ITGA1: variants seen among roughly 807,000 people sequenced by gnomAD.
ITGA1 encodes integrin alpha-1.
In ITGA1, 85 loss-of-function variants were observed where a neutral mutation model predicts 145.9. The ratio of observed to expected loss-of-function variants is 0.58; its 90% CI spans 0.49 to 0.70. The LOEUF (loss-of-function observed/expected upper bound fraction) is 0.70. Ranked by LOEUF, ITGA1 falls within the 30% of genes least tolerant of loss-of-function variation. The pLI, the probability that ITGA1 is intolerant of heterozygous loss-of-function variation, is 0.00. For missense variants in ITGA1, 1,351 were observed against 1,418.7 expected, an observed-to-expected ratio of 0.95 and a Z score of 0.77; for synonymous variants, 520 against 495.3, an observed-to-expected ratio of 1.05 and a Z score of -0.66.
intron 8 of ITGA1, among the ~76,000 whole-genome samples, chr5:52,893,243 A>G (rs749979362): frequency 3.3e-5 from 5 of 152,184 alleles, no homozygotes; most frequent in Non-Finnish European, 7.3e-5. Flanking sequence ...CCTTGGTAAT[A>G]GTTTCAGGAA....
intron 18 of ITGA1, 79 bp downstream of exon 18, chr5:52,922,966 A>G (rs905906587): frequency 7.6e-6 from 6 of 793,576 alleles, no homozygotes; most frequent in Middle Eastern, 2.4e-4. Flanking sequence ...TTTTTTCACT[A>G]CTCTGCATTG....
intron 6 of ITGA1, among the ~76,000 whole-genome samples, chr5:52,870,210 TTTTA>T (rs1283816051): frequency 2.6e-5 from 4 of 152,336 alleles, no homozygotes; most frequent in South Asian, 2.1e-4. Flanking sequence ...TTGTTTTTAG[TTTTA>T]TTTGTTTCTT....
chr5:52,801,193 A>G (rs1326279707), intron 1 of ITGA1: 2 of 1,404,526 alleles, frequency 1.4e-6, no homozygotes, highest in Non-Finnish European at 1.9e-6. Context: ...AAAGTTTTAG[A>G]ACTGGGAAAA....
intron 1 of ITGA1, among the ~76,000 whole-genome samples, chr5:52,792,592 C>A (rs1313207139): frequency 6.6e-6 from 1 of 152,178 alleles, no homozygotes; most frequent in African/African-American, 2.4e-5. Flanking sequence ...AGATGCTCCT[C>A]TAACATGTTC....
chr5:52,853,361 C>T (rs1235284752), intron 2 of ITGA1, among the ~76,000 whole-genome samples: 3 of 152,082 alleles, frequency 2.0e-5, no homozygotes, highest in Non-Finnish European at 2.9e-5. Context: ...AGACTTACTT[C>T]GAGAAATGTG....
At chr5:52,789,528 A>T (rs1257845437) in intron 1 of ITGA1, among the ~76,000 whole-genome samples, 1 of 152,140 alleles carries the variant, frequency 6.6e-6, no homozygotes, top group African/African-American at 2.4e-5. Flanking sequence ...CTTTTTTCAG[A>T]AGGGAGGTAA....
intron 1 of ITGA1, among the ~76,000 whole-genome samples, chr5:52,825,444 T>C (rs910189428): frequency 2.0e-5 from 3 of 152,212 alleles, no homozygotes; most frequent in Non-Finnish European, 4.4e-5. Context: ...AATTTCAAAA[T>C]TTTTCCTTAT....
Position 52,947,557 on chromosome 5 carries a change from A to C in ITGA1, c.3495+96A>C, listed in dbSNP as rs116289078. ...TATTCAGACTATGTAATATAGTATT[A>C]TTACAGCAATGAAACAAACGTTGAA... On this transcript the variant is annotated intron_variant, in intron 28 of 28. Transcript: ENST00000282588. 6,996 of 716,200 alleles carry C rather than the reference A, an allele frequency of 9.8e-3. 264 individuals are homozygous for C. Among genetic ancestry groups the C allele is most frequent in the African/African-American group, 0.086 (4,780 of 55,382 alleles). 44.4% of individuals were successfully genotyped at this position (716,200 alleles called of 1,614,324 possible). A position where few individuals can be genotyped will look rare whatever the true frequency, so the allele number is the denominator to read the frequency against.
intron 23 of ITGA1, among the ~76,000 whole-genome samples, chr5:52,934,940 T>C (rs16880533): frequency 0.27 from 40,851 of 151,592 alleles, 6,193 homozygotes; most frequent in African/African-American, 0.4. Context: ...TGCCAATCAC[T>C]CTACTGGATT....
intron 26 of ITGA1, among the ~76,000 whole-genome samples, chr5:52,940,854 G>A (rs1317415009): frequency 6.6e-6 from 1 of 151,938 alleles, no homozygotes; most frequent in Non-Finnish European, 1.5e-5. Context: ...TTGTTACATG[G>A]GTATATTTGC....
At chr5:52,928,276 A>G (rs2111884050) in intron 20 of ITGA1, among the ~76,000 whole-genome samples, 1 of 152,306 alleles carries the variant, frequency 6.6e-6, no homozygotes, top group South Asian at 2.1e-4. Flanking sequence ...ATCTGATAAA[A>G]TGGAGCTGGG....
At chr5:52,886,293 A>G (rs575690476) in intron 7 of ITGA1, among the ~76,000 whole-genome samples, 1 of 152,332 alleles carries the variant, frequency 6.6e-6, no homozygotes, top group East Asian at 1.9e-4. Context: ...ACATCTTGTC[A>G]TATTTGCTTT....
chr5:52,925,221 TA>T (rs1284028715), intron 18 of ITGA1, 56 bp from the exon 19 acceptor site: 2 of 1,313,408 alleles, frequency 1.5e-6, no homozygotes, highest in Non-Finnish European at 2.2e-6. Context: ...AATTGATGGG[TA>T]ATTTTCAACA....
chr5:52,869,523 T>C (rs577622290), intron 6 of ITGA1, among the ~76,000 whole-genome samples: 1 of 152,240 alleles, frequency 6.6e-6, no homozygotes, highest in African/African-American at 2.4e-5. Context: ...ATTATTATAT[T>C]AGTGTGCGTG....
At chr5:52,850,292 AC>A (rs1749409916) in intron 2 of ITGA1, among the ~76,000 whole-genome samples, 1 of 152,114 alleles carries the variant, frequency 6.6e-6, no homozygotes, top group African/African-American at 2.4e-5. Context: ...GAGCCATAGC[AC>A]CTGGCCGTAG....
chr5:52,800,299 C>T, intron 1 of ITGA1: 1 of 1,400,006 alleles, frequency 7.1e-7, no homozygotes, highest in Non-Finnish European at 9.9e-7. Context: ...CCGGGCCCCG[C>T]CCCCTTCCTG....
intron 18 of ITGA1, 70 bp downstream of exon 18, chr5:52,922,957 TTTTTCAC>T (rs1181074151): frequency 1.1e-6 from 1 of 898,802 alleles, no homozygotes; most frequent in Non-Finnish European, 1.8e-6. Context: ...TAAACTGTGT[TTTTTCAC>T]TACTCTGCAT....
chr5:52,923,057 G>A (rs1413644118), intron 18 of ITGA1, among the ~76,000 whole-genome samples, 170 bp downstream of exon 18: 1 of 152,178 alleles, frequency 6.6e-6, no homozygotes, highest in Non-Finnish European at 1.5e-5. Context: ...TGGAGAAAGA[G>A]GGAGCTCTTG....
chr5:52,814,324 G>C (rs1226630254), intron 1 of ITGA1, among the ~76,000 whole-genome samples: 2 of 152,024 alleles, frequency 1.3e-5, no homozygotes, highest in Non-Finnish European at 2.9e-5. Flanking sequence ...TTTTTGTATA[G>C]GCGGGTTTTC....
Sources: gnomAD v4.1 joint callset for allele counts (sites outside exome capture counted in the v4.1 genomes callset) on GRCh38, gnomAD v4.1.1 for gene constraint, MANE v1.5 for transcripts, NCBI Gene and HGNC (gene_info 2026-07-23, HGNC 2026-07-21) for gene names.